NLRC5: variants seen among roughly 807,000 people sequenced by gnomAD.
NLRC5 encodes the protein NLR family CARD domain containing 5.
Under a neutral mutation model 206.9 loss-of-function variants are expected in NLRC5, and 114 were observed. That is an observed-to-expected ratio of 0.55 (90% CI 0.47 to 0.64). NLRC5 has a LOEUF of 0.64. Ranked by LOEUF, NLRC5 falls within the 30% of genes least tolerant of loss-of-function variation. The pLI is 0.00. For missense variants in NLRC5, 2,008 were observed against 2,305.5 expected (o/e 0.87, Z 2.64); for synonymous variants, 952 against 962.8 (o/e 0.99, Z 0.21).
At chr16:57,055,360 G>A in intron 26 of NLRC5, 73 bp from the exon 27 acceptor site, 1 of 1,428,082 alleles carries the variant, frequency 7.0e-7, no homozygotes, top group Non-Finnish European at 9.8e-7. Context: ...CTGTGCCCTG[G>A]GCTAGCCAGG....
chr16:56,991,840 A>G (rs1367466532), intron 1 of NLRC5: 4 of 152,176 alleles, frequency 2.6e-5, no homozygotes, highest in South Asian at 2.1e-4. Context: ...TATGAGTTCA[A>G]TTGTGCCTCC....
intron 24 of NLRC5, among the ~76,000 whole-genome samples, chr16:57,052,184 G>A (rs575966500): frequency 6.6e-6 from 1 of 152,296 alleles, no homozygotes; most frequent in East Asian, 1.9e-4. Flanking sequence ...AATTTTAAAA[G>A]TATTTAGGCC....
At position 57,027,024 on chromosome 16, in the gene NLRC5, T is replaced by C. The variant is rs2061325561; in HGVS notation, c.2075+6T>C. 6.2e-7 allele frequency: 1 copy of C among 1,610,758 alleles called. No individual in the cohort carries two copies. Among genetic ancestry groups the C allele is most frequent in the African/African-American group, 1.3e-5 (1 of 74,738 alleles). ...GGGCAGATAGAGAATCTCAGGTGAG[T>C]AAGAGTGGAGGAGGACCGGGGAGGG... is the stretch of plus-strand genomic sequence containing the variant. On this transcript the variant is annotated splice_donor_region_variant and intron_variant, in intron 6 of 48. Coordinates refer to ENST00000688547, the MANE Select transcript of NLRC5 (RefSeq NM_001384950.1).
chr16:57,005,007 G>A (rs751722628), intron 1 of NLRC5, among the ~76,000 whole-genome samples: 8 of 152,068 alleles, frequency 5.3e-5, no homozygotes, highest in Non-Finnish European at 1.0e-4. Context: ...CTGACTGCGT[G>A]ACCCTGGCCA....
intron 30 of NLRC5, among the ~76,000 whole-genome samples, chr16:57,060,073 C>T (rs1355698090): frequency 1.3e-5 from 2 of 149,214 alleles, no homozygotes; most frequent in East Asian, 1.9e-4. Flanking sequence ...ATCATTACCC[C>T]TGGTAGCCCT....
intron 32 of NLRC5, chr16:57,062,094 G>A: frequency 8.4e-7 from 1 of 1,195,278 alleles, no homozygotes; most frequent in Non-Finnish European, 1.1e-6. Context: ...CCTATTCCCA[G>A]AACCTAGGTT....
rs77796033 is a variant in NLRC5 at position 57,075,005 on chromosome 16, C to CTTTTTTTTTTTTTT, written c.4751+351_4751+364dup. Among the ~76,000 whole-genome samples, 2 of 58,066 alleles carry CTTTTTTTTTTTTTT rather than the reference C, an allele frequency of 3.4e-5. 1 individual carries two copies. The highest frequency in any genetic ancestry group is 6.3e-5 in the Non-Finnish European group (2 of 31,638). The allele number at this position is 58,066 out of a possible 152,430, so 38.1% of individuals were successfully genotyped here. On this transcript the variant is annotated intron_variant, in intron 39 of 48. Transcript: ENST00000688547. ...GGTCTGGAATTCTGCCTAGACTGTG[C>CTTTTTTTTTTTTTT]TTTTTTTTTTTTTTTTTTTTTTTTT...
chr16:57,077,340 C>T lies in NLRC5; in HGVS notation c.4880C>T (p.Ala1627Val), dbSNP rs1300556446. ...GGAGACGCTGGTGTCCAGCACTTAG[C>T]TACCATCCTGCCTGGGCTGCCAGAG... Reference protein sequence around the residue: ...QIGDAGVQHLATILPGLPELR... With the variant: ...QIGDAGVQHLVTILPGLPELR... Residue 1627 changes from alanine (A) to valine (V), a missense_variant, in exon 41 of 49, where the codon GCT (alanine) becomes GTT (valine). Transcript: ENST00000688547. 1.9e-6 allele frequency: 3 copies of T among 1,614,070 alleles called. No homozygotes were observed. The highest frequency in any genetic ancestry group is 2.5e-6 in the Non-Finnish European group (3 of 1,179,992).
chr16:57,020,169 A>C, intron 2 of NLRC5, among the ~76,000 whole-genome samples: 3 of 146,990 alleles, frequency 2.0e-5, no homozygotes, highest in Admixed American at 6.8e-5. Flanking sequence ...CCCCCAACTC[A>C]CCTTCCCCAG....
At chr16:57,034,459 T>C (rs1024984220) in intron 13 of NLRC5, 6 of 561,750 alleles carry the variant, frequency 1.1e-5, no homozygotes, top group African/African-American at 9.4e-5. Flanking sequence ...CCTCCTCGCA[T>C]TCACTCCTCA....
intron 36 of NLRC5, 47 bp from the exon 37 acceptor site, chr16:57,069,789 A>T (rs1205564224): frequency 6.6e-7 from 1 of 1,516,666 alleles, no homozygotes; most frequent in Admixed American, 1.9e-5. Context: ...AGCTCCCAAG[A>T]CCCAGGGCGG....
At chr16:56,993,096 CAT>C (rs1207075312) in intron 1 of NLRC5, among the ~76,000 whole-genome samples, 1 of 148,664 alleles carries the variant, frequency 6.7e-6, no homozygotes, top group Non-Finnish European at 1.5e-5. Context: ...TGGATATATA[CAT>C]ATATATATAC....
chr16:57,002,527 C>T (rs1030482703), intron 1 of NLRC5, among the ~76,000 whole-genome samples: 4 of 152,168 alleles, frequency 2.6e-5, no homozygotes, highest in African/African-American at 9.7e-5. Context: ...ACAGTGCTGT[C>T]ATAAACATAG....
intron 1 of NLRC5, among the ~76,000 whole-genome samples, chr16:56,994,209 G>A (rs1262028234): frequency 6.6e-6 from 1 of 151,888 alleles, no homozygotes; most frequent in Non-Finnish European, 1.5e-5. Context: ...GTGGAGGGAG[G>A]GGAGAAGAAA....
rs371304674 is a variant in NLRC5 at position 57,047,638 on chromosome 16, G to A, written c.3422+10G>A. ...GACCCCTGGAACTGCAGTAAGTAAC[G>A]AGGACACAGCCCCAGAGGGCACCAT... On this transcript the variant is annotated intron_variant, in intron 23 of 48. Coordinates refer to ENST00000688547, the MANE Select transcript of NLRC5 (RefSeq NM_001384950.1). 23 of 1,609,374 alleles carry A rather than the reference G, an allele frequency of 1.4e-5. No homozygotes were observed. The highest frequency in any genetic ancestry group is 6.7e-5 in the South Asian group (6 of 90,134).
chr16:57,078,096 CCCCATCAGTT>C, intron 43 of NLRC5, 76 bp downstream of exon 43: 1 of 1,247,590 alleles, frequency 8.0e-7, no homozygotes, highest in Non-Finnish European at 1.1e-6. Context: ...GGGTCCAGGC[CCCCATCAGTT>C]GAGCTGCCCT....
intron 20 of NLRC5, among the ~76,000 whole-genome samples, chr16:57,044,360 T>C (rs2063676925): frequency 6.6e-6 from 1 of 151,302 alleles, no homozygotes; most frequent in South Asian, 2.1e-4. Flanking sequence ...CACTGGGGAC[T>C]CAGGGACCTG....
At chr16:57,009,368 C>A (rs950927444) in intron 1 of NLRC5, among the ~76,000 whole-genome samples, 5 of 151,056 alleles carry the variant, frequency 3.3e-5, no homozygotes, top group African/African-American at 1.2e-4. Context: ...CCGAGGTGGG[C>A]GGATCACAAG....
intron 10 of NLRC5, among the ~76,000 whole-genome samples, chr16:57,030,647 GA>G (rs2061769860): frequency 6.6e-6 from 1 of 151,804 alleles, no homozygotes; most frequent in Admixed American, 6.6e-5. Flanking sequence ...TGGATGGATG[GA>G]TGGATGGATG....
Sources: gnomAD v4.1 joint callset for allele counts (sites outside exome capture counted in the v4.1 genomes callset) on GRCh38, gnomAD v4.1.1 for gene constraint, MANE v1.5 for transcripts, NCBI Gene and HGNC (gene_info 2026-07-23, HGNC 2026-07-21) for gene names.